SSBP2: variants seen among roughly 807,000 people sequenced by gnomAD.
SSBP2 encodes the protein single stranded DNA binding protein 2.
A neutral mutation model predicts 61.8 loss-of-function variants in SSBP2; 17 were observed. That is an observed-to-expected ratio of 0.28 (90% CI 0.19 to 0.41). The LOEUF (loss-of-function observed/expected upper bound fraction) is 0.41. Among genes scored for constraint, SSBP2 ranks in the 10% least tolerant of loss-of-function variants. SSBP2 has a pLI of 1.00. For synonymous variants in SSBP2, 139 were observed against 141.3 expected (o/e 0.98, Z 0.12); for missense variants, 310 against 458.7 (o/e 0.68, Z 2.96).
chr5:81,611,948 C>T (rs780200511), intron 4 of SSBP2, among the ~76,000 whole-genome samples: 9 of 152,010 alleles, frequency 5.9e-5, no homozygotes, highest in Non-Finnish European at 7.4e-5. Context: ...ATTAACAATA[C>T]TGTATTGTGT....
At position 81,650,333 on chromosome 5, in the gene SSBP2, T is replaced by C. The variant is rs764834101; in HGVS notation, c.69A>G (p.Ala23=). Residue 23 remains alanine (A), a synonymous_variant, in exon 2 of 17, where the codon GCA becomes GCG. Transcript: ENST00000320672. Reference sequence around the variant, plus strand: ...GGAGCAGATATTCATATACGTAGAGTGCTAACCTGGAAAACAAATAAAATA... The same window carrying C: ...GGAGCAGATATTCATATACGTAGAGCGCTAACCTGGAAAACAAATAAAATA... 1.9e-6 allele frequency: 3 copies of C among 1,564,222 alleles called. No homozygotes were observed. The highest frequency in any genetic ancestry group is 1.7e-6 in the Non-Finnish European group (2 of 1,158,284).
intron 4 of SSBP2, among the ~76,000 whole-genome samples, chr5:81,518,423 G>A (rs1048701309): frequency 7.9e-5 from 12 of 152,088 alleles, no homozygotes; most frequent in South Asian, 6.2e-4. Flanking sequence ...GGTATTACAC[G>A]TCCTTATAAA....
At chr5:81,662,611 G>A (rs557806497) in intron 1 of SSBP2, among the ~76,000 whole-genome samples, 80 of 152,132 alleles carry the variant, frequency 5.3e-4, no homozygotes, top group African/African-American at 1.7e-3. Context: ...AGACCAGCCT[G>A]GCCAAGATGG....
chr5:81,541,786 G>C (rs1397088122), intron 4 of SSBP2, among the ~76,000 whole-genome samples: 1 of 152,034 alleles, frequency 6.6e-6, no homozygotes, highest in African/African-American at 2.4e-5. Context: ...TAAAGTATAG[G>C]TTTCAATGTA....
intron 1 of SSBP2, among the ~76,000 whole-genome samples, chr5:81,679,762 G>A (rs1752250144): frequency 6.6e-6 from 1 of 152,104 alleles, no homozygotes; most frequent in African/African-American, 2.4e-5. Context: ...TCACTGTGAT[G>A]GTTAAGTCTT....
intron 4 of SSBP2, among the ~76,000 whole-genome samples, chr5:81,589,122 C>T (rs1353051071): frequency 3.9e-5 from 6 of 151,994 alleles, no homozygotes; most frequent in African/African-American, 1.4e-4. Flanking sequence ...AACTTTCCAA[C>T]GTACTTACTA....
At chr5:81,704,923 T>C (rs571112155) in intron 1 of SSBP2, among the ~76,000 whole-genome samples, 2 of 152,164 alleles carry the variant, frequency 1.3e-5, no homozygotes, top group South Asian at 4.1e-4. Context: ...TAATCTATAT[T>C]AAGAATTTCT....
intron 6 of SSBP2, among the ~76,000 whole-genome samples, chr5:81,488,038 T>TA (rs1267787381): frequency 1.7e-4 from 6 of 35,480 alleles, no homozygotes; most frequent in African/African-American, 5.4e-4. Context: ...TATATATATA[T>TA]ATATATATAT....
chr5:81,558,674 G>A (rs1161258583), intron 4 of SSBP2, among the ~76,000 whole-genome samples: 1 of 152,150 alleles, frequency 6.6e-6, no homozygotes, highest in Non-Finnish European at 1.5e-5. Context: ...CAGGAAATCA[G>A]AACAACCTGC....
chr5:81,474,908 C>A (rs1240329185), intron 6 of SSBP2, among the ~76,000 whole-genome samples: 1 of 152,064 alleles, frequency 6.6e-6, no homozygotes, highest in South Asian at 2.1e-4. Flanking sequence ...AATTTTGCTT[C>A]TTACATGTAA....
intron 1 of SSBP2, among the ~76,000 whole-genome samples, chr5:81,654,652 A>G (rs142117280): frequency 2.0e-5 from 3 of 152,330 alleles, no homozygotes; most frequent in Non-Finnish European, 4.4e-5. Flanking sequence ...TTAGCTCCCG[A>G]CAAAAGGACA....
chr5:81,734,970 CAAAAAAAAAAA>C (rs11350574), intron 1 of SSBP2, among the ~76,000 whole-genome samples: 1 of 70,526 alleles, frequency 1.4e-5, no homozygotes, highest in Non-Finnish European at 2.6e-5. Context: ...GACTCCATCT[CAAAAAAAAAAA>C]AAAAAAAAAA....
intron 4 of SSBP2, among the ~76,000 whole-genome samples, chr5:81,604,785 CA>C (rs1301345242): frequency 1.3e-5 from 2 of 151,976 alleles, no homozygotes; most frequent in Non-Finnish European, 2.9e-5. Context: ...AAAGCGGCAG[CA>C]AAGACCTTAA....
At chr5:81,643,839 G>A (rs1264217501) in intron 2 of SSBP2, among the ~76,000 whole-genome samples, 1 of 152,020 alleles carries the variant, frequency 6.6e-6, no homozygotes, top group Non-Finnish European at 1.5e-5. Context: ...CTGACCTCAT[G>A]CAATCTGCCC....
chr5:81,526,402 G>C (rs1192175123), intron 4 of SSBP2, among the ~76,000 whole-genome samples: 3 of 151,868 alleles, frequency 2.0e-5, no homozygotes, highest in Non-Finnish European at 4.4e-5. Flanking sequence ...TTCACATACT[G>C]CAGCACATTC....
chr5:81,674,027 C>T (rs1300249907), intron 1 of SSBP2, among the ~76,000 whole-genome samples: 1 of 152,112 alleles, frequency 6.6e-6, no homozygotes, highest in African/African-American at 2.4e-5. Context: ...CTCCTAAGTA[C>T]AAGATTATTT....
At chr5:81,584,492 G>T (rs1774918144) in intron 4 of SSBP2, among the ~76,000 whole-genome samples, 1 of 152,030 alleles carries the variant, frequency 6.6e-6, no homozygotes. Flanking sequence ...CAAAAATGTT[G>T]CAAGAGAACA....
At position 81,428,645 on chromosome 5, in the gene SSBP2, G is replaced by T. The variant is rs149755720; in HGVS notation, c.996C>A (p.Gly332=). The T allele has an allele frequency of 4.1e-4, 656 of 1,613,238 alleles. 7 individuals carry two copies. Among genetic ancestry groups the T allele is most frequent in the African/African-American group, 2.8e-3 (213 of 74,986 alleles). The change falls in exon 16 of 17, where the codon GGC becomes GGA. Residue 332 remains glycine (G), a synonymous_variant. Coordinates refer to ENST00000320672, the MANE Select transcript of SSBP2 (RefSeq NM_012446.5). ...CCATTTCGCCATCATCCCTTGGAGT[G>T]CCCGGTTGATTACTCAGGCTCATAT...
chr5:81,640,462 C>T (rs1268338601), intron 2 of SSBP2, among the ~76,000 whole-genome samples: 1 of 152,152 alleles, frequency 6.6e-6, no homozygotes, highest in Non-Finnish European at 1.5e-5. Context: ...AACCAGAACA[C>T]ATCATATAAA....
Sources: gnomAD v4.1 joint callset for allele counts (sites outside exome capture counted in the v4.1 genomes callset) on GRCh38, gnomAD v4.1.1 for gene constraint, MANE v1.5 for transcripts, NCBI Gene and HGNC (gene_info 2026-07-23, HGNC 2026-07-21) for gene names.